APOL1: variants seen among roughly 807,000 people sequenced by gnomAD.
The protein encoded by APOL1 is apolipoprotein L 1.
APOL1 carries 17 observed loss-of-function variants against 14.9 expected under a neutral mutation model. The ratio of observed to expected loss-of-function variants is 1.14; its 90% CI spans 0.78 to 1.71. The LOEUF (loss-of-function observed/expected upper bound fraction) is 1.71. Ranked by LOEUF, APOL1 falls within the 40% of genes most tolerant of loss-of-function variation. The pLI, the probability that APOL1 is intolerant of heterozygous loss-of-function variation, is 0.00. For synonymous variants in APOL1, 195 were observed against 184.8 expected, an observed-to-expected ratio of 1.05 and a Z score of -0.45; for missense variants, 523 against 485.9, an observed-to-expected ratio of 1.08 and a Z score of -0.72.
chr22:36,254,499 C>T (rs1238147851), intron 1 of APOL1, among the ~76,000 whole-genome samples: 1 of 152,152 alleles, frequency 6.6e-6, no homozygotes, highest in Non-Finnish European at 1.5e-5. Context: ...CCCAACAGAT[C>T]TAGGCTGCAA....
rs946256760 is a variant in APOL1, at chr22:36,267,378, C to G, written c.*1345C>G. ...GTGAGAACCAACCAATGAAAACAGT[C>G]CCATCGCTCTTACCCGGTAAGTAAA... is the stretch of plus-strand genomic sequence containing the variant. On this transcript the variant is annotated 3_prime_UTR_variant, in exon 6 of 6. Transcript: ENST00000397278. The G allele has an allele frequency of 1.3e-5, 2 of 152,230 alleles. No homozygotes were observed. The highest frequency in any genetic ancestry group is 4.8e-5 in the African/African-American group (2 of 41,438). The allele number at this position is 152,230 out of a possible 1,614,324, so 9.4% of individuals were successfully genotyped here.
Position 36,266,828 on chromosome 22 carries a change from C to T in APOL1, c.*795C>T. 1 of 278,040 alleles carries T rather than the reference C, an allele frequency of 3.6e-6. No homozygotes were observed. The highest frequency in any genetic ancestry group is 6.7e-6 in the Non-Finnish European group (1 of 149,484). The allele number at this position is 278,040 out of a possible 1,614,324, so 17.2% of individuals were successfully genotyped here. On this transcript the variant is annotated 3_prime_UTR_variant, in exon 6 of 6. Coordinates refer to ENST00000397278, the MANE Select transcript of APOL1 (RefSeq NM_003661.4). ...GCTGAGGCAGGAGAATGGCGTGAACCTGGGAGGTGGAGCTTGCAGTGAGCC... is the reference window on the plus strand; with the variant it reads ...GCTGAGGCAGGAGAATGGCGTGAACTTGGGAGGTGGAGCTTGCAGTGAGCC...
At chr22:36,260,415 C>G (rs1299833629) in intron 4 of APOL1, among the ~76,000 whole-genome samples, 2 of 152,140 alleles carry the variant, frequency 1.3e-5, no homozygotes, top group Non-Finnish European at 2.9e-5. Flanking sequence ...AGAATGAGGT[C>G]TCTTGTGTGT....
rs1278177281 is a variant in APOL1, at chr22:36,266,504, A to AT, written c.*472dup. The AT allele has an allele frequency of 2.5e-6, 1 of 400,870 alleles. No individual in the cohort carries two copies. The highest frequency in any genetic ancestry group is 3.6e-5 in the East Asian group (1 of 28,128). The allele number at this position is 400,870 out of a possible 1,614,324, so 24.8% of individuals were successfully genotyped here. ...CACAGCAGGGGAGGGGTTAATGCAGATGGCAGTGCAGCAAGGAGAAGGCAG... is the reference window on the plus strand; with the variant it reads ...CACAGCAGGGGAGGGGTTAATGCAGATTGGCAGTGCAGCAAGGAGAAGGCAG... On this transcript the variant is annotated 3_prime_UTR_variant, in exon 6 of 6. Coordinates refer to ENST00000397278, the MANE Select transcript of APOL1 (RefSeq NM_003661.4).
At chr22:36,261,548 GCACTC>G (rs2016071541) in intron 4 of APOL1, 43 bp from the exon 5 acceptor site, 1 of 1,575,304 alleles carries the variant, frequency 6.3e-7, no homozygotes, top group Non-Finnish European at 8.7e-7. Context: ...TGGCTGTTAT[GCACTC>G]CCACACTTTC....
intron 1 of APOL1, among the ~76,000 whole-genome samples, chr22:36,254,621 T>C (rs750840328): frequency 6.6e-6 from 1 of 152,058 alleles, no homozygotes; most frequent in Non-Finnish European, 1.5e-5. Flanking sequence ...CCCAGCACTT[T>C]GGGAGGCCAA....
chr22:36,266,114 C>CA lies in APOL1; in HGVS notation c.*82dup. The CA allele has an allele frequency of 2.1e-6, 3 of 1,452,714 alleles. No individual in the cohort carries two copies. Among genetic ancestry groups the CA allele is most frequent in the Non-Finnish European group, 2.8e-6 (3 of 1,082,174 alleles). The allele number at this position is 1,452,714 out of a possible 1,614,324, so 90.0% of individuals were successfully genotyped here. A position where few individuals can be genotyped will look rare whatever the true frequency, so the allele number is the denominator to read the frequency against. On this transcript the variant is annotated 3_prime_UTR_variant, in exon 6 of 6. Coordinates refer to ENST00000397278, the MANE Select transcript of APOL1 (RefSeq NM_003661.4). ...TGCAAACTTTTTTTTTTTTCTGAGA[C>CA]AGAGTCTTGCTCTGTCGCCAAGTTG... is the stretch of plus-strand genomic sequence containing the variant.
At chr22:36,257,502 G>A in intron 4 of APOL1, 95 bp downstream of exon 4, 4 of 1,261,660 alleles carry the variant, frequency 3.2e-6, no homozygotes, top group Non-Finnish European at 3.5e-6. Flanking sequence ...GAACCCGGAT[G>A]GACTAGGAGG....
intron 5 of APOL1, among the ~76,000 whole-genome samples, chr22:36,263,055 G>C (rs1270274929): frequency 6.6e-6 from 1 of 152,230 alleles, no homozygotes; most frequent in Non-Finnish European, 1.5e-5. Context: ...CCATAAAATT[G>C]CAAATGGCCT....
Position 36,266,102 on chromosome 22 carries a change from T to C in APOL1, c.*69T>C. 2 of 1,503,842 alleles carry C rather than the reference T, an allele frequency of 1.3e-6. No individual in the cohort carries two copies. The highest frequency in any genetic ancestry group is 1.4e-5 in the African/African-American group (1 of 71,378). 93.2% of individuals were successfully genotyped at this position (1,503,842 alleles called of 1,614,324 possible). ...GCCAGGACAAAATGCAAACTTTTTT[T>C]TTTTTCTGAGACAGAGTCTTGCTCT... On this transcript the variant is annotated 3_prime_UTR_variant, in exon 6 of 6. Transcript: ENST00000397278.
rs553515630 is a variant in APOL1, at chr22:36,265,843, C to G, written c.1007C>G (p.Thr336Arg). 12 of 1,614,146 alleles carry G rather than the reference C, an allele frequency of 7.4e-6. No homozygotes were observed. In the South Asian group the frequency reaches 9.9e-5, roughly 13 times the overall value. The part of the protein sequence containing the change: ...ILEMSRGVKL[T>R]DVAPVSFFLV... ...GAAATGAGCAGAGGAGTCAAGCTCA[C>G]GGATGTGGCCCCTGTAAGCTTCTTT... Residue 336 changes from threonine (T) to arginine (R), a missense_variant, in exon 6 of 6, where the codon ACG becomes AGG. Transcript: ENST00000397278.
chr22:36,253,510 C>G lies in APOL1; in HGVS notation c.-20+291C>G, dbSNP rs138717776. On this transcript the variant is annotated intron_variant, in intron 1 of 5. Transcript: ENST00000397278. The stretch of plus-strand genomic sequence containing the variant: ...GAAGGTTTGTGTTGGGGGTGCCCAT[C>G]TCTTTGGGAAATTTGAAGGAACCAA... Among the ~76,000 whole-genome samples the G allele has an allele frequency of 4.2e-3, 633 of 152,344 alleles. 5 individuals carry two copies. The highest frequency in any genetic ancestry group is 0.014 in the African/African-American group (591 of 41,562).
rs1569534149 is a variant in APOL1, at chr22:36,265,710, A to G, written c.874A>G (p.Asn292Asp). Residue 292 changes from asparagine (N) to aspartate (D), a missense_variant, in exon 6 of 6, where the codon AAT becomes GAT. Coordinates refer to ENST00000397278, the MANE Select transcript of APOL1 (RefSeq NM_003661.4). Reference sequence around the variant, plus strand: ...CCGTGCCCTCAGACGAGCCAGAGCCAATCTTCAGTCAGTACCGCATGCCTC... The same window carrying G: ...CCGTGCCCTCAGACGAGCCAGAGCCGATCTTCAGTCAGTACCGCATGCCTC... Reference protein sequence around the residue: ...DIRALRRARANLQSVPHASAS... With the variant: ...DIRALRRARADLQSVPHASAS... The G allele has an allele frequency of 3.1e-6, 5 of 1,612,874 alleles. No individual in the cohort carries two copies. Among genetic ancestry groups the G allele is most frequent in the Non-Finnish European group, 4.2e-6 (5 of 1,179,230 alleles).
intron 2 of APOL1, among the ~76,000 whole-genome samples, 184 bp downstream of exon 2, chr22:36,255,183 G>A (rs1490558782): frequency 6.6e-6 from 1 of 152,356 alleles, no homozygotes. Flanking sequence ...TGAGGCTAAC[G>A]GTCAATATCC....
At chr22:36,259,587 C>G in intron 4 of APOL1, 5 of 1,226,904 alleles carry the variant, frequency 4.1e-6, no homozygotes, top group Non-Finnish European at 5.3e-6. Flanking sequence ...CAGCCGACCC[C>G]GGAATCCTTA....
intron 4 of APOL1, chr22:36,260,062 G>A: frequency 1.5e-6 from 1 of 682,366 alleles, no homozygotes; most frequent in South Asian, 2.1e-5. Context: ...TTTGGGCGGT[G>A]ACTCTCGCTG....
intron 5 of APOL1, among the ~76,000 whole-genome samples, chr22:36,262,226 G>C (rs1194625682): frequency 6.6e-6 from 1 of 152,192 alleles, no homozygotes; most frequent in East Asian, 1.9e-4. Context: ...TGTTCCTGGG[G>C]ATGCTGGCTG....
chr22:36,257,987 C>T (rs960219108), intron 4 of APOL1, among the ~76,000 whole-genome samples: 13 of 152,356 alleles, frequency 8.5e-5, no homozygotes, highest in Non-Finnish European at 1.8e-4. Flanking sequence ...TACCTCCCTT[C>T]TCCTGTACCA....
At chr22:36,264,382 G>A (rs1262216075) in intron 5 of APOL1, among the ~76,000 whole-genome samples, 4 of 152,140 alleles carry the variant, frequency 2.6e-5, no homozygotes, top group Admixed American at 6.5e-5. Context: ...ACATTCCAGG[G>A]GCCTGGAGAT....
Sources: allele counts gnomAD v4.1 joint callset (sites outside exome capture counted in the v4.1 genomes callset), GRCh38; gene constraint gnomAD v4.1.1; transcripts MANE v1.5; gene names NCBI Gene and HGNC (gene_info 2026-07-23, HGNC 2026-07-21).